Variants in DLGAP1 observed in about 807,000 individuals in gnomAD.
The protein encoded by DLGAP1 is disks large-associated protein 1.
In DLGAP1, 11 loss-of-function variants were observed where a neutral mutation model predicts 90.8. The observed-to-expected ratio is 0.12, with a 90% confidence interval of 0.08 to 0.20. DLGAP1 has a LOEUF of 0.20. Ranked by LOEUF, DLGAP1 falls within the 10% of genes least tolerant of loss-of-function variation. The pLI, the probability that DLGAP1 is intolerant of heterozygous loss-of-function variation, is 1.00. For missense variants in DLGAP1, 1,050 were observed against 1,333.8 expected (o/e 0.79, Z 3.31); for synonymous variants, 558 against 540.7 (o/e 1.03, Z -0.44).
chr18:4,453,531 T>C (rs1305638202), intron 1 of DLGAP1, among the ~76,000 whole-genome samples: 1 of 152,148 alleles, frequency 6.6e-6, no homozygotes, highest in African/African-American at 2.4e-5. Context: ...TAAATAACAG[T>C]CAAAGGGCTG....
At chr18:3,763,664 T>C (rs185488383) in intron 5 of DLGAP1, among the ~76,000 whole-genome samples, 34 of 152,040 alleles carry the variant, frequency 2.2e-4, no homozygotes, top group Non-Finnish European at 4.9e-4. Context: ...CCTATCTTTT[T>C]TTTTTCTTTT....
intron 7 of DLGAP1, among the ~76,000 whole-genome samples, chr18:3,688,604 AT>A (rs924657713): frequency 6.9e-6 from 1 of 144,804 alleles, no homozygotes; most frequent in African/African-American, 2.6e-5. Context: ...TATTCTAGGT[AT>A]TAAAAAAAGA....
intron 1 of DLGAP1, among the ~76,000 whole-genome samples, chr18:4,405,621 ATTG>A (rs1226842689): frequency 6.6e-6 from 1 of 152,126 alleles, no homozygotes; most frequent in Non-Finnish European, 1.5e-5. Context: ...ATACGTCCCT[ATTG>A]TTCTGAAGAT....
intron 1 of DLGAP1, among the ~76,000 whole-genome samples, chr18:4,223,479 A>G (rs2078121514): frequency 6.6e-6 from 1 of 152,190 alleles, no homozygotes; most frequent in African/African-American, 2.4e-5. Flanking sequence ...TACTCACAAC[A>G]TTTGAATAAG....
chr18:3,619,847 C>T (rs1433049781), intron 7 of DLGAP1, among the ~76,000 whole-genome samples: 3 of 147,116 alleles, frequency 2.0e-5, no homozygotes, highest in East Asian at 4.1e-4. Flanking sequence ...GCTATGCTGC[C>T]GAGGCTTAAG....
chr18:3,553,893 TTAAGA>T (rs2053613357), intron 9 of DLGAP1, among the ~76,000 whole-genome samples: 1 of 152,264 alleles, frequency 6.6e-6, no homozygotes, highest in African/African-American at 2.4e-5. Context: ...TGTTAATATG[TTAAGA>T]TATGTTTTCT....
intron 9 of DLGAP1, among the ~76,000 whole-genome samples, chr18:3,550,294 C>T (rs1039490879): frequency 6.6e-6 from 1 of 152,100 alleles, no homozygotes; most frequent in African/African-American, 2.4e-5. Flanking sequence ...GGCACAATCA[C>T]GGCTCACTGC....
rs2063090954 is a variant in DLGAP1 at position 3,742,341 on chromosome 18, G to A, written c.1344C>T (p.Ile448=). 6.2e-7 allele frequency: 1 copy of A among 1,613,270 alleles called. No individual in the cohort carries two copies. Among genetic ancestry groups the A allele is most frequent in the African/African-American group, 1.3e-5 (1 of 74,920 alleles). ...CTGCCCTGACGGCCCTCACCTGGCT[G>A]ATGGTGCTCATGGCTCGCATGTAGC... The part of the protein sequence containing the change: ...NESYMRAMST[I]SQVSEMEVNG... The change falls in exon 6 of 13, where the codon ATC becomes ATT. Residue 448 remains isoleucine (I), a synonymous_variant. Coordinates refer to ENST00000315677, the MANE Select transcript of DLGAP1 (RefSeq NM_004746.4).
intron 7 of DLGAP1, among the ~76,000 whole-genome samples, chr18:3,663,193 T>G (rs925084490): frequency 6.6e-6 from 1 of 151,854 alleles, no homozygotes; most frequent in Non-Finnish European, 1.5e-5. Flanking sequence ...AATGCTTGAA[T>G]CTGGGAGGTG....
chr18:4,265,463 C>T (rs76109400), intron 1 of DLGAP1, among the ~76,000 whole-genome samples: 1 of 148,180 alleles, frequency 6.7e-6, no homozygotes, highest in Non-Finnish European at 1.5e-5. Flanking sequence ...GCCACTGCAC[C>T]CAGCCCCTTC....
chr18:3,737,964 T>C (rs2062728878), intron 6 of DLGAP1, among the ~76,000 whole-genome samples: 2 of 150,608 alleles, frequency 1.3e-5, no homozygotes, highest in Admixed American at 1.3e-4. Context: ...ATCACAAGCA[T>C]TGTTATACAC....
At chr18:3,962,195 CCTT>C (rs1452066273) in intron 3 of DLGAP1, among the ~76,000 whole-genome samples, 1 of 152,092 alleles carries the variant, frequency 6.6e-6, no homozygotes, top group African/African-American at 2.4e-5. Context: ...TATCTGCAGT[CCTT>C]CTTTTTTGGA....
At chr18:3,977,707 T>C in intron 3 of DLGAP1, 1 of 325,300 alleles carries the variant, frequency 3.1e-6, no homozygotes, top group Non-Finnish European at 5.9e-6. Context: ...AAATTCATTC[T>C]CATACCAGGA....
At chr18:4,326,600 A>T (rs1040886666) in intron 1 of DLGAP1, among the ~76,000 whole-genome samples, 5 of 152,198 alleles carry the variant, frequency 3.3e-5, no homozygotes, top group Non-Finnish European at 7.4e-5. Context: ...CTAAATGCAC[A>T]TCAATAGTAG....
At chr18:4,076,398 A>G (rs192323101) in intron 2 of DLGAP1, among the ~76,000 whole-genome samples, 12 of 152,322 alleles carry the variant, frequency 7.9e-5, no homozygotes, top group Non-Finnish European at 5.9e-5. Flanking sequence ...CTAAAATTAG[A>G]TATTGATAAG....
At chr18:3,798,865 A>G (rs1211035218) in intron 5 of DLGAP1, among the ~76,000 whole-genome samples, 1 of 151,688 alleles carries the variant, frequency 6.6e-6, no homozygotes, top group South Asian at 2.1e-4. Context: ...GCCTCAATAG[A>G]CTTTTTTTTT....
At chr18:3,777,679 TA>T (rs1351264744) in intron 5 of DLGAP1, among the ~76,000 whole-genome samples, 1 of 152,030 alleles carries the variant, frequency 6.6e-6, no homozygotes, top group Non-Finnish European at 1.5e-5. Context: ...GCATTTGGGG[TA>T]GAGAGTATGT....
chr18:3,944,631 A>T (rs978903243), intron 3 of DLGAP1, among the ~76,000 whole-genome samples: 2 of 152,262 alleles, frequency 1.3e-5, no homozygotes, highest in Non-Finnish European at 2.9e-5. Flanking sequence ...AGACTGACAG[A>T]TACCGCTTCT....
intron 7 of DLGAP1, among the ~76,000 whole-genome samples, chr18:3,666,746 T>A (rs956501790): frequency 2.6e-5 from 4 of 152,212 alleles, no homozygotes; most frequent in Non-Finnish European, 5.9e-5. Context: ...TAAAAAGTTT[T>A]TTTTTAAACA....
Sources: allele counts gnomAD v4.1 joint callset (sites outside exome capture counted in the v4.1 genomes callset), GRCh38; gene constraint gnomAD v4.1.1; transcripts MANE v1.5; gene names NCBI Gene and HGNC (gene_info 2026-07-23, HGNC 2026-07-21).